The following ADGRL3 variants were observed in gnomAD, a reference collection of about 807,000 sequenced individuals.
ADGRL3 encodes calcium-independent alpha-latrotoxin receptor 3.
In ADGRL3, 62 loss-of-function variants were observed where a neutral mutation model predicts 153.5. The observed-to-expected ratio is 0.40, with a 90% confidence interval of 0.33 to 0.50. The LOEUF is 0.50. Among genes scored for constraint, ADGRL3 ranks in the 20% least tolerant of loss-of-function variants. The pLI is 0.47. For synonymous variants in ADGRL3, 710 were observed against 672.5 expected (o/e 1.06, Z -0.86); for missense variants, 1,641 against 1,859.4 (o/e 0.88, Z 2.16).
chr4:61,653,283 G>T (rs1239694157), intron 5 of ADGRL3, among the ~76,000 whole-genome samples: 1 of 152,192 alleles, frequency 6.6e-6, no homozygotes, highest in South Asian at 2.1e-4. Context: ...AACCAAGCCT[G>T]CTGGGCCTTG....
chr4:61,219,748 T>C (rs1160118441), intron 1 of ADGRL3, among the ~76,000 whole-genome samples: 2 of 152,250 alleles, frequency 1.3e-5, no homozygotes, highest in African/African-American at 4.8e-5. Context: ...ATCTCTCTCT[T>C]ATGGCATTTC....
At chr4:62,028,283 T>G (rs2151470708) in intron 21 of ADGRL3, among the ~76,000 whole-genome samples, 1 of 151,874 alleles carries the variant, frequency 6.6e-6, no homozygotes, top group Middle Eastern at 3.4e-3. Context: ...TACAAAAGAT[T>G]ATTCAGGTTT....
At chr4:61,833,738 T>A (rs571835423) in intron 9 of ADGRL3, among the ~76,000 whole-genome samples, 8 of 152,306 alleles carry the variant, frequency 5.3e-5, no homozygotes, top group Admixed American at 5.2e-4. Flanking sequence ...GGCTAATTTG[T>A]TAGTCCTACA....
chr4:61,399,032 T>C (rs575016951), intron 2 of ADGRL3, among the ~76,000 whole-genome samples: 20 of 151,748 alleles, frequency 1.3e-4, no homozygotes, highest in African/African-American at 4.6e-4. Context: ...TCATATATTC[T>C]AATTAGAAAT....
chr4:61,206,855 G>T (rs1737456985), intron 1 of ADGRL3, among the ~76,000 whole-genome samples: 1 of 151,960 alleles, frequency 6.6e-6, no homozygotes, highest in Admixed American at 6.6e-5. Context: ...GGTGGTACAT[G>T]CCTGTAGTCC....
intron 13 of ADGRL3, among the ~76,000 whole-genome samples, chr4:61,928,759 A>G (rs944293609): frequency 3.9e-5 from 6 of 152,178 alleles, no homozygotes; most frequent in African/African-American, 1.2e-4. Context: ...AATCATGGTG[A>G]TATCTGAACA....
At chr4:62,006,003 C>CACAT (rs1230956055) in intron 21 of ADGRL3, among the ~76,000 whole-genome samples, 660 of 48,914 alleles carry the variant, frequency 0.013, 9 homozygotes, top group African/African-American at 0.025. Flanking sequence ...CACACACACA[C>CACAT]ATATATATAT....
chr4:61,325,673 A>G (rs1463366135), intron 1 of ADGRL3, among the ~76,000 whole-genome samples: 3 of 152,162 alleles, frequency 2.0e-5, no homozygotes, highest in Admixed American at 2.0e-4. Context: ...ATTTTTTTCT[A>G]ACATGATAAG....
intron 5 of ADGRL3, among the ~76,000 whole-genome samples, chr4:61,637,718 GC>G (rs1406068785): frequency 6.6e-6 from 1 of 152,170 alleles, no homozygotes; most frequent in Non-Finnish European, 1.5e-5. Flanking sequence ...CCAAGATCAT[GC>G]CACTGCACTC....
chr4:61,446,149 C>T (rs903388845), intron 2 of ADGRL3, among the ~76,000 whole-genome samples: 4 of 152,152 alleles, frequency 2.6e-5, no homozygotes, highest in African/African-American at 9.7e-5. Flanking sequence ...AATATGAGCT[C>T]TGCCCTGGAC....
intron 16 of ADGRL3, 102 bp from the exon 17 acceptor site, chr4:61,947,998 T>C: frequency 1.1e-6 from 1 of 907,412 alleles, no homozygotes; most frequent in Non-Finnish European, 1.6e-6. Flanking sequence ...TCTAAAAAAT[T>C]GGAACAGAAT....
At chr4:61,397,835 T>G (rs1012339902) in intron 2 of ADGRL3, among the ~76,000 whole-genome samples, 1 of 152,014 alleles carries the variant, frequency 6.6e-6, no homozygotes, top group Admixed American at 6.6e-5. Flanking sequence ...TGAAAATCTC[T>G]ATTTCTCTGT....
In ADGRL3 at chr4:61,294,288, T is replaced by C. The variant is rs76983634; in HGVS notation, c.-239-88836T>C. 1.9e-3 allele frequency among the ~76,000 whole-genome samples: 285 copies of C among 152,242 alleles called. 3 individuals are homozygous for C. Among genetic ancestry groups the C allele is most frequent in the African/African-American group, 6.6e-3 (273 of 41,544 alleles). On this transcript the variant is annotated intron_variant, in intron 1 of 26. Transcript: ENST00000683033. ...CATAGCACAATTCCGTTTTTCACTTTCAGTACAGTATTCAATAAATTACAT... is the reference window on the plus strand; with the variant it reads ...CATAGCACAATTCCGTTTTTCACTTCCAGTACAGTATTCAATAAATTACAT...
At position 61,731,596 on chromosome 4, in the gene ADGRL3, C is replaced by G. The variant is rs1373636487; in HGVS notation, c.598+960C>G. On this transcript the variant is annotated intron_variant, in intron 7 of 26. Transcript: ENST00000683033. ...CAAAGAAGCTCTATGATAAAGGTGCCATGATCCAATTAGTGTGTGAAATTT... is the reference window on the plus strand; with the variant it reads ...CAAAGAAGCTCTATGATAAAGGTGCGATGATCCAATTAGTGTGTGAAATTT... Among the ~76,000 whole-genome samples, 3 of 152,174 alleles carry G rather than the reference C, an allele frequency of 2.0e-5. No individual in the cohort carries two copies. In the East Asian group the frequency reaches 5.8e-4, roughly 29 times the overall value.
rs755031198 is a variant in ADGRL3 at position 61,235,122 on chromosome 4, CTTTG to C, written c.-240+33363_-240+33366del. The stretch of plus-strand genomic sequence containing the variant: ...ATAAGAAATAAATGAGAAACGACCT[CTTTG>C]TTTGTCTAGTAGAGCGATGAGTAGA... On this transcript the variant is annotated intron_variant, in intron 1 of 26. Coordinates refer to ENST00000683033, the MANE Select transcript of ADGRL3 (RefSeq NM_001387552.1). Among the ~76,000 whole-genome samples, 10 of 152,154 alleles carry C rather than the reference CTTTG, an allele frequency of 6.6e-5. No individual in the cohort carries two copies. In the South Asian group the frequency reaches 1.2e-3, roughly 19 times the overall value.
At chr4:61,349,369 A>G (rs1221188023) in intron 1 of ADGRL3, among the ~76,000 whole-genome samples, 1 of 152,100 alleles carries the variant, frequency 6.6e-6, no homozygotes, top group Non-Finnish European at 1.5e-5. Context: ...GAGAACCATT[A>G]TGTGTTTTTT....
chr4:61,724,094 CA>C (rs2096285273), intron 6 of ADGRL3, among the ~76,000 whole-genome samples: 1 of 152,078 alleles, frequency 6.6e-6, no homozygotes, highest in South Asian at 2.1e-4. Flanking sequence ...TATAAACACG[CA>C]TATTTAGTCT....
At chr4:62,025,237 A>G (rs987808667) in intron 21 of ADGRL3, among the ~76,000 whole-genome samples, 3 of 152,164 alleles carry the variant, frequency 2.0e-5, no homozygotes, top group African/African-American at 7.2e-5. Flanking sequence ...TTAGATATAC[A>G]TTGTAATGTT....
intron 8 of ADGRL3, among the ~76,000 whole-genome samples, chr4:61,744,496 G>A (rs547562681): frequency 1.4e-4 from 21 of 152,074 alleles, no homozygotes; most frequent in East Asian, 1.9e-4. Flanking sequence ...TCACACCGCC[G>A]GGTACTCCTC....
Sources: gnomAD v4.1 joint callset for allele counts (sites outside exome capture counted in the v4.1 genomes callset) on GRCh38, gnomAD v4.1.1 for gene constraint, MANE v1.5 for transcripts, NCBI Gene and HGNC (gene_info 2026-07-23, HGNC 2026-07-21) for gene names.